The following SPECC1 variants were observed in gnomAD, a reference collection of about 807,000 sequenced individuals.
SPECC1 encodes cytospin-B.
SPECC1 carries 62 observed loss-of-function variants against 104.1 expected under a neutral mutation model. The ratio of observed to expected loss-of-function variants is 0.60; its 90% CI spans 0.49 to 0.74. The LOEUF (loss-of-function observed/expected upper bound fraction) is 0.74, where lower values mean the gene tolerates loss of function less well. SPECC1 is among the 30% of genes least tolerant of loss of function. SPECC1 has a pLI of 0.00. For missense variants in SPECC1, 1,306 were observed against 1,310.5 expected (o/e 1.00, Z 0.05); for synonymous variants, 513 against 501.6 (o/e 1.02, Z -0.30).
chr17:20,253,366 A>G, intron 9 of SPECC1, 139 bp from the exon 10 acceptor site: 1 of 685,528 alleles, frequency 1.5e-6, no homozygotes, highest in Non-Finnish European at 2.4e-6. Flanking sequence ...CAAATAAATG[A>G]GTTAATTAAA....
intron 8 of SPECC1, 77 bp downstream of exon 8, chr17:20,246,148 A>T: frequency 1.3e-6 from 2 of 1,540,482 alleles, no homozygotes; most frequent in Non-Finnish European, 1.8e-6. Context: ...TACTATCTCT[A>T]CTCCACCCTG....
intron 3 of SPECC1, among the ~76,000 whole-genome samples, chr17:20,149,044 A>G (rs183979085): frequency 1.1e-5 from 1 of 88,116 alleles, no homozygotes; most frequent in African/African-American, 8.0e-5. Context: ...TTCTTAACAT[A>G]TGTACTGTTT....
chr17:20,130,669 A>G (rs1157762574), intron 3 of SPECC1, among the ~76,000 whole-genome samples: 1 of 152,236 alleles, frequency 6.6e-6, no homozygotes, highest in Non-Finnish European at 1.5e-5. Context: ...CTTGAAATCA[A>G]GTAGACTGAT....
At chr17:20,260,407 T>A in intron 12 of SPECC1, 113 bp downstream of exon 12, 1 of 848,018 alleles carries the variant, frequency 1.2e-6, no homozygotes, top group Non-Finnish European at 1.8e-6. Flanking sequence ...GTAATTGTCA[T>A]CTTTCTATTC....
chr17:20,289,178 T>TA (rs1344640708), intron 12 of SPECC1, among the ~76,000 whole-genome samples: 2 of 152,312 alleles, frequency 1.3e-5, no homozygotes, highest in African/African-American at 4.8e-5. Flanking sequence ...TTGTGAGACT[T>TA]ATTCACTATC....
At chr17:20,271,327 GTTTA>G (rs1004028860) in intron 12 of SPECC1, among the ~76,000 whole-genome samples, 4 of 151,760 alleles carry the variant, frequency 2.6e-5, no homozygotes, top group African/African-American at 9.7e-5. Context: ...AAAGATGAGG[GTTTA>G]TTTCTTTTTC....
intron 3 of SPECC1, among the ~76,000 whole-genome samples, chr17:20,138,215 G>T (rs1390188070): frequency 6.6e-6 from 1 of 152,030 alleles, no homozygotes; most frequent in African/African-American, 2.4e-5. Context: ...TCCTGCTGTA[G>T]CCTCCCAAAG....
At chr17:20,229,149 T>C (rs958523612) in intron 5 of SPECC1, among the ~76,000 whole-genome samples, 1 of 152,196 alleles carries the variant, frequency 6.6e-6, no homozygotes, top group Non-Finnish European at 1.5e-5. Flanking sequence ...ACTGTACATG[T>C]GTCTTTTTTA....
At chr17:20,172,120 A>C (rs1198773298) in intron 3 of SPECC1, among the ~76,000 whole-genome samples, 1 of 152,222 alleles carries the variant, frequency 6.6e-6, no homozygotes, top group Non-Finnish European at 1.5e-5. Flanking sequence ...CTGCACAAGC[A>C]TGTGGTCAGG....
chr17:20,264,473 T>C (rs2040147622), intron 12 of SPECC1, among the ~76,000 whole-genome samples: 1 of 129,054 alleles, frequency 7.7e-6, no homozygotes, highest in African/African-American at 2.9e-5. Context: ...TTTTTTTTTT[T>C]TTTTTTTTTT....
intron 14 of SPECC1, among the ~76,000 whole-genome samples, chr17:20,306,607 A>T (rs2041773315): frequency 6.6e-6 from 1 of 152,268 alleles, no homozygotes; most frequent in Non-Finnish European, 1.5e-5. Context: ...CAGCCAGCCC[A>T]GGGAGGTGAT....
chr17:20,139,395 C>A (rs1567871578), intron 3 of SPECC1, among the ~76,000 whole-genome samples: 5 of 152,176 alleles, frequency 3.3e-5, no homozygotes, highest in African/African-American at 1.2e-4. Context: ...CTACTATGTT[C>A]CAGGCATCTT....
intron 12 of SPECC1, among the ~76,000 whole-genome samples, chr17:20,277,579 A>G (rs1343013363): frequency 6.6e-6 from 1 of 152,126 alleles, no homozygotes; most frequent in African/African-American, 2.4e-5. Context: ...TAAAATACAC[A>G]TAACATGAAA....
At chr17:20,033,894 C>T (rs1470968530) in intron 1 of SPECC1, among the ~76,000 whole-genome samples, 1 of 152,156 alleles carries the variant, frequency 6.6e-6, no homozygotes, top group African/African-American at 2.4e-5. Flanking sequence ...TTTGGGTGTG[C>T]TTATTGTCAG....
In SPECC1 at chr17:20,217,740, ACTTCTTTTCTCCTTAAATTCAT is replaced by A. The variant is rs558885127; in HGVS notation, c.1864-9667_1864-9646del. On this transcript the variant is annotated intron_variant, in intron 4 of 14. Coordinates refer to ENST00000395527, the MANE Select transcript of SPECC1 (RefSeq NM_001243439.2). ...AGCCTTCCAGGATCTAAAATGCATT[ACTTCTTTTCTCCTTAAATTCAT>A]CTTCTGGCCAGGCACAGCAGCTCAT... is the stretch of plus-strand genomic sequence containing the variant. Among the ~76,000 whole-genome samples, 176 of 152,302 alleles carry A rather than the reference ACTTCTTTTCTCCTTAAATTCAT, an allele frequency of 1.2e-3. 2 individuals carry two copies. The highest frequency in any genetic ancestry group is 8.5e-3 in the East Asian group (44 of 5,188).
At chr17:20,237,118 T>A (rs971611863) in intron 7 of SPECC1, 39 of 1,392,832 alleles carry the variant, frequency 2.8e-5, no homozygotes, top group Non-Finnish European at 3.3e-5. Flanking sequence ...CTTTTTACTT[T>A]TCCTCAGAAG....
intron 4 of SPECC1, among the ~76,000 whole-genome samples, chr17:20,210,764 A>G (rs2037089263): frequency 6.6e-6 from 1 of 152,202 alleles, no homozygotes; most frequent in Admixed American, 6.5e-5. Flanking sequence ...CTGGGGCACC[A>G]CATGGCTTCG....
At chr17:20,050,393 CT>C (rs1373289724) in intron 1 of SPECC1, among the ~76,000 whole-genome samples, 1 of 151,918 alleles carries the variant, frequency 6.6e-6, no homozygotes, top group African/African-American at 2.4e-5. Flanking sequence ...ATGTTTGAAC[CT>C]AATTCTTGGT....
chr17:20,273,637 A>G (rs910056693), intron 12 of SPECC1, among the ~76,000 whole-genome samples: 2 of 152,062 alleles, frequency 1.3e-5, no homozygotes, highest in African/African-American at 4.8e-5. Context: ...CTATAAACAG[A>G]TCTCCAACCC....
Sources: gnomAD v4.1 joint callset for allele counts (sites outside exome capture counted in the v4.1 genomes callset) on GRCh38, gnomAD v4.1.1 for gene constraint, MANE v1.5 for transcripts, NCBI Gene and HGNC (gene_info 2026-07-23, HGNC 2026-07-21) for gene names.